The following SV2C variants were observed in gnomAD, a reference collection of about 807,000 sequenced individuals.
The protein encoded by SV2C is synaptic vesicle glycoprotein 2C.
SV2C carries 49 observed loss-of-function variants against 79.7 expected under a neutral mutation model. The observed-to-expected ratio is 0.61, with a 90% CI of 0.49 to 0.78. SV2C has a LOEUF of 0.78. Among genes scored for constraint, SV2C ranks in the 30% least tolerant of loss-of-function variants. The pLI, the probability that SV2C is intolerant of heterozygous loss-of-function variation, is 0.00. For missense variants in SV2C, 833 were observed against 912.9 expected, an observed-to-expected ratio of 0.91 and a Z score of 1.13; for synonymous variants, 334 against 333.2, an observed-to-expected ratio of 1.00 and a Z score of -0.03.
the SV2C span, among the ~76,000 whole-genome samples, chr5:75,977,796 G>T: frequency 2.0e-5 from 3 of 152,186 alleles, no homozygotes; most frequent in East Asian, 5.8e-4. Context: ...TTTGTGCACT[G>T]GCTCATATCC....
At chr5:75,940,200 C>T in the SV2C span, among the ~76,000 whole-genome samples, 5 of 152,000 alleles carry the variant, frequency 3.3e-5, no homozygotes, top group Non-Finnish European at 5.9e-5. Context: ...CTCATCTCTA[C>T]AAAAAATACA....
At chr5:76,342,759 C>T (rs544507905) in intron 12 of SV2C, among the ~76,000 whole-genome samples, 12 of 152,314 alleles carry the variant, frequency 7.9e-5, no homozygotes, top group African/African-American at 2.9e-4. Context: ...TTGGGATATT[C>T]TTGTTTGAAA....
chr5:76,312,577 T>C (rs1388344956), intron 12 of SV2C, among the ~76,000 whole-genome samples: 45 of 152,238 alleles, frequency 3.0e-4, no homozygotes, highest in Admixed American at 2.9e-3. Context: ...TTACCCCTCC[T>C]CCGTGGCGCT....
the SV2C span, among the ~76,000 whole-genome samples, chr5:75,990,338 G>A: frequency 1.3e-5 from 2 of 151,836 alleles, no homozygotes; most frequent in East Asian, 3.9e-4. Context: ...GTAAGGAAGG[G>A]GTCCAGTTTC....
chr5:75,896,823 G>A, the SV2C span, among the ~76,000 whole-genome samples: 3 of 148,952 alleles, frequency 2.0e-5, no homozygotes, highest in Non-Finnish European at 4.4e-5. Context: ...GGCCAGTGAT[G>A]ATGAGCATTT....
At chr5:76,096,712 AG>A (rs1280450095) in intron 1 of SV2C, among the ~76,000 whole-genome samples, 1 of 152,176 alleles carries the variant, frequency 6.6e-6, no homozygotes, top group African/African-American at 2.4e-5. Flanking sequence ...TTTGTCTGTG[AG>A]GGTATTTCTA....
At chr5:76,152,436 G>A (rs1749632804) in intron 2 of SV2C, among the ~76,000 whole-genome samples, 1 of 152,094 alleles carries the variant, frequency 6.6e-6, no homozygotes, top group Non-Finnish European at 1.5e-5. Flanking sequence ...TCACATCCAG[G>A]GTATGTATAT....
chr5:76,213,116 T>C (rs1390517437), intron 4 of SV2C, among the ~76,000 whole-genome samples: 2 of 152,156 alleles, frequency 1.3e-5, no homozygotes, highest in East Asian at 1.9e-4. Flanking sequence ...AAATGAGTAA[T>C]GTCAATATGA....
At chr5:76,089,675 A>G (rs545231855) in intron 1 of SV2C, among the ~76,000 whole-genome samples, 4 of 152,312 alleles carry the variant, frequency 2.6e-5, no homozygotes, top group Non-Finnish European at 4.4e-5. Flanking sequence ...TTTCTCTGCA[A>G]TCTTGCCAGC....
the SV2C span, among the ~76,000 whole-genome samples, chr5:76,020,032 A>C: frequency 6.6e-6 from 1 of 152,208 alleles, no homozygotes; most frequent in African/African-American, 2.4e-5. Context: ...TCAGGAGCCT[A>C]CTGAGGCTGT....
At chr5:76,066,795 TAAAAA>T in the SV2C span, among the ~76,000 whole-genome samples, 1 of 122,140 alleles carries the variant, frequency 8.2e-6, no homozygotes. Flanking sequence ...AGGACCCTGT[TAAAAA>T]AAAAAAAAAA....
At position 76,155,139 on chromosome 5, in the gene SV2C, A is replaced by G. The variant is rs1742681100; in HGVS notation, c.580+22809A>G. 2.0e-5 allele frequency among the ~76,000 whole-genome samples: 3 copies of G among 152,338 alleles called. No individual in the cohort carries two copies. In the South Asian group the frequency reaches 6.2e-4, roughly 32 times the overall value. Reference sequence around the variant, plus strand: ...TATTTGTGGAGCCATCTGGCCTTCTATCTAGCCTTCTGTCTTCTAAGTTAT... The same window carrying G: ...TATTTGTGGAGCCATCTGGCCTTCTGTCTAGCCTTCTGTCTTCTAAGTTAT... On this transcript the variant is annotated intron_variant, in intron 2 of 12. Coordinates refer to ENST00000502798, the MANE Select transcript of SV2C (RefSeq NM_014979.4).
chr5:75,848,230 C>T, the SV2C span, among the ~76,000 whole-genome samples: 1 of 152,184 alleles, frequency 6.6e-6, no homozygotes, highest in South Asian at 2.1e-4. Flanking sequence ...GGACTGGCAG[C>T]ACCAGAAGGC....
chr5:76,047,267 CCCT>C, the SV2C span, among the ~76,000 whole-genome samples: 2 of 152,208 alleles, frequency 1.3e-5, no homozygotes, highest in African/African-American at 4.8e-5. Flanking sequence ...CTGTTTCCCA[CCCT>C]CAAGAGTAAC....
chr5:76,265,893 G>C (rs1013359339), intron 4 of SV2C, among the ~76,000 whole-genome samples: 4 of 152,144 alleles, frequency 2.6e-5, no homozygotes, highest in Admixed American at 2.0e-4. Flanking sequence ...CACGCTGGGA[G>C]CTGCAGACCA....
chr5:75,901,012 T>C, the SV2C span, among the ~76,000 whole-genome samples: 8 of 152,198 alleles, frequency 5.3e-5, no homozygotes. Flanking sequence ...GTTTTTAACT[T>C]CTTTGCCTTT....
chr5:76,046,045 A>G, the SV2C span, among the ~76,000 whole-genome samples: 94 of 152,320 alleles, frequency 6.2e-4, 1 homozygote, highest in East Asian at 0.017. Flanking sequence ...TATAGTGGGA[A>G]GAGATAGGCA....
At chr5:76,230,093 A>G (rs760016002) in intron 4 of SV2C, among the ~76,000 whole-genome samples, 10 of 152,218 alleles carry the variant, frequency 6.6e-5, no homozygotes, top group Non-Finnish European at 8.8e-5. Context: ...CTTTGCATCA[A>G]TTAGAAACAA....
At chr5:76,044,630 G>A in the SV2C span, among the ~76,000 whole-genome samples, 729 of 152,166 alleles carry the variant, frequency 4.8e-3, 6 homozygotes, top group African/African-American at 0.017. Context: ...GTATCTCCTC[G>A]TGGTTTTGAT....
Sources: allele counts gnomAD v4.1 joint callset (sites outside exome capture counted in the v4.1 genomes callset), GRCh38; gene constraint gnomAD v4.1.1; transcripts MANE v1.5; gene names NCBI Gene and HGNC (gene_info 2026-07-23, HGNC 2026-07-21).